RB1: variants seen among roughly 807,000 people sequenced by gnomAD.
RB1 encodes RB transcriptional corepressor 1.
In RB1, 18 loss-of-function variants were observed where a neutral mutation model predicts 135.4. The observed-to-expected ratio is 0.13, with a 90% CI of 0.09 to 0.20. The LOEUF is 0.20. Ranked by LOEUF, RB1 falls within the 10% of genes least tolerant of loss-of-function variation. The probability of loss-of-function intolerance (pLI) is 1.00; values close to 1 mark genes in which losing one functional copy is unlikely to be tolerated. For synonymous variants in RB1, 365 were observed against 373.2 expected, an observed-to-expected ratio of 0.98 and a Z score of 0.25; for missense variants, 868 against 1,110.0, an observed-to-expected ratio of 0.78 and a Z score of 3.10.
At position 48,340,589 on chromosome 13, in the gene RB1, G is replaced by GA. The variant is rs143659593; in HGVS notation, c.265-2001dup. 4.4e-3 allele frequency among the ~76,000 whole-genome samples: 662 copies of GA among 149,172 alleles called. 12 individuals carry two copies. Among genetic ancestry groups the GA allele is most frequent in the Middle Eastern group, 0.036 (10 of 280 alleles). ...TTTTAATCTTTAAAAGAGAGAGAGA[G>GA]AAAAAAAAAGGCTGGAATTGATGAA... is the stretch of plus-strand genomic sequence containing the variant. On this transcript the variant is annotated intron_variant, in intron 2 of 26. Transcript: ENST00000267163.
intron 17 of RB1, among the ~76,000 whole-genome samples, chr13:48,390,065 T>C (rs1202629171): frequency 6.6e-6 from 1 of 152,102 alleles, no homozygotes; most frequent in Non-Finnish European, 1.5e-5. Flanking sequence ...GAGAATTGCC[T>C]GAGCCTGGGA....
In RB1 at chr13:48,347,863, C is replaced by T. The variant is rs367654488; in HGVS notation, c.539C>T (p.Ser180Leu). The T allele has an allele frequency of 6.3e-5, 99 of 1,582,140 alleles. No individual in the cohort carries two copies. Among genetic ancestry groups the T allele is most frequent in the Non-Finnish European group, 8.4e-5 (97 of 1,152,952 alleles). ...ATATATTTGACACAACCCAGCAGTT[C>T]GTAAGTAGTTCACAGAATGTTATTT... ...ELIYLTQPSSSISTEINSALV... is the reference protein window; with the variant it reads ...ELIYLTQPSSLISTEINSALV... The change falls in exon 5 of 27, where the codon TCG (serine) becomes TTG (leucine). Residue 180 changes from serine to leucine, a missense_variant and splice_region_variant. Physicochemically the swap from Ser to Leu is moderately radical, Grantham distance 145. Transcript: ENST00000267163.
Position 48,303,957 on chromosome 13 carries a change from TGCCGCCGCGGAACCCCCGGCACCGCCGCC to T in RB1, c.52_80del (p.Ala18ProfsTer3). 1 of 1,503,296 alleles carries T rather than the reference TGCCGCCGCGGAACCCCCGGCACCGCCGCC, an allele frequency of 6.7e-7. No homozygotes were observed. Among genetic ancestry groups the T allele is most frequent in the East Asian group, 2.7e-5 (1 of 37,592 alleles). 93.1% of individuals were successfully genotyped at this position (1,503,296 alleles called of 1,614,324 possible). On this transcript the variant is annotated frameshift_variant, in exon 1 of 27. Transcript: ENST00000267163. LOFTEE classifies it high-confidence loss of function. ...GAAAAACGGCCGCCACCGCCGCCGC[TGCCGCCGCGGAACCCCCGGCACCGCCGCC>T]GCCGCCCCCTCCTGAGGAGGACCCA...
chr13:48,457,110 C>G (rs1049687778), intron 19 of RB1, among the ~76,000 whole-genome samples: 1 of 152,198 alleles, frequency 6.6e-6, no homozygotes, highest in Non-Finnish European at 1.5e-5. Flanking sequence ...GGTACACAGA[C>G]AAGTGGAGGG....
chr13:48,387,487 G>A (rs886287455), intron 17 of RB1, among the ~76,000 whole-genome samples: 4 of 152,092 alleles, frequency 2.6e-5, no homozygotes, highest in Non-Finnish European at 4.4e-5. Flanking sequence ...ATGTCCACAA[G>A]AGGCAATTCA....
intron 1 of RB1, 116 bp downstream of exon 1, chr13:48,304,165 G>A: frequency 8.6e-7 from 1 of 1,166,214 alleles, no homozygotes; most frequent in Non-Finnish European, 1.1e-6. Flanking sequence ...GGTCCCGGCG[G>A]GAGGAGGCGC....
At chr13:48,413,484 A>G (rs1397570870) in intron 17 of RB1, among the ~76,000 whole-genome samples, 1 of 152,204 alleles carries the variant, frequency 6.6e-6, no homozygotes, top group Non-Finnish European at 1.5e-5. Context: ...GTATTTATAA[A>G]TTGAAATTGT....
chr13:48,307,880 A>G (rs983435006), intron 2 of RB1, among the ~76,000 whole-genome samples: 1 of 151,080 alleles, frequency 6.6e-6, no homozygotes, highest in African/African-American at 2.4e-5. Context: ...AAAAAGTTTG[A>G]AAAAAATTCC....
At position 48,411,431 on chromosome 13, in the gene RB1, C is replaced by CTG. The variant is rs759416336; in HGVS notation, c.1695+29990_1695+29991dup. 2.8e-5 allele frequency: 45 copies of CTG among 1,612,978 alleles called. No individual in the cohort carries two copies. The Admixed American group carries it at 5.7e-4, about 20-fold the overall frequency. On this transcript the variant is annotated intron_variant, in intron 17 of 26. Coordinates refer to ENST00000267163, the MANE Select transcript of RB1 (RefSeq NM_000321.3). Reference sequence around the variant, plus strand: ...TGTCAAATATCTTACTTTTTAAGGTCTGTAGGTTATGCTGAATAAAATTCT... The same window carrying CTG: ...TGTCAAATATCTTACTTTTTAAGGTCTGTGTAGGTTATGCTGAATAAAATTCT...
chr13:48,457,637 G>A (rs1235920513), intron 19 of RB1, among the ~76,000 whole-genome samples: 1 of 152,186 alleles, frequency 6.6e-6, no homozygotes, highest in African/African-American at 2.4e-5. Flanking sequence ...ATGCGTCAAG[G>A]GGCACCTGTA....
chr13:48,367,675 T>G (rs1284728000), intron 10 of RB1, 72 bp downstream of exon 10: 3 of 1,523,882 alleles, frequency 2.0e-6, no homozygotes, highest in Non-Finnish European at 2.7e-6. Flanking sequence ...GATTATATAG[T>G]CTTTAGCTTA....
intron 5 of RB1, 60 bp downstream of exon 5, chr13:48,347,923 T>A (rs1952512809): frequency 7.8e-7 from 1 of 1,284,946 alleles, no homozygotes; most frequent in African/African-American, 1.5e-5. Context: ...TGGAATAATC[T>A]CAAACATCTT....
intron 2 of RB1, chr13:48,328,654 T>G: frequency 1.9e-6 from 1 of 532,238 alleles, no homozygotes; most frequent in Non-Finnish European, 3.4e-6. Flanking sequence ...AGCTACAAGG[T>G]ATTTCTTTTA....
At chr13:48,337,078 T>G (rs1003068020) in intron 2 of RB1, among the ~76,000 whole-genome samples, 57 of 152,204 alleles carry the variant, frequency 3.7e-4, no homozygotes, top group Non-Finnish European at 6.2e-4. Flanking sequence ...CTTTTACATT[T>G]GCTGAGGAGA....
intron 2 of RB1, among the ~76,000 whole-genome samples, chr13:48,339,838 G>A (rs1593432664): frequency 6.6e-6 from 1 of 152,238 alleles, no homozygotes; most frequent in East Asian, 1.9e-4. Flanking sequence ...TCTGTATGAT[G>A]AGAAGTGAAT....
chr13:48,305,301 T>C (rs1443031408), intron 1 of RB1, among the ~76,000 whole-genome samples: 2 of 152,190 alleles, frequency 1.3e-5, no homozygotes, highest in Non-Finnish European at 2.9e-5. Context: ...TATTAAAAAT[T>C]TATATATTTA....
At chr13:48,311,008 G>T (rs1332586031) in intron 2 of RB1, among the ~76,000 whole-genome samples, 1 of 152,140 alleles carries the variant, frequency 6.6e-6, no homozygotes, top group Non-Finnish European at 1.5e-5. Flanking sequence ...TCAGCTGTTA[G>T]AATTTTGGTT....
chr13:48,410,358 A>T (rs1302761829), intron 17 of RB1, among the ~76,000 whole-genome samples: 4 of 152,228 alleles, frequency 2.6e-5, no homozygotes, highest in African/African-American at 9.6e-5. Context: ...TTTGTAGCCT[A>T]GAAGCAGTAG....
intron 2 of RB1, among the ~76,000 whole-genome samples, chr13:48,334,080 G>A (rs896128736): frequency 6.6e-6 from 1 of 152,188 alleles, no homozygotes; most frequent in Non-Finnish European, 1.5e-5. Flanking sequence ...CTTTTGGGCA[G>A]ATGGCCAGGT....
Sources: gnomAD v4.1 joint callset for allele counts (sites outside exome capture counted in the v4.1 genomes callset) on GRCh38, gnomAD v4.1.1 for gene constraint, MANE v1.5 for transcripts, NCBI Gene and HGNC (gene_info 2026-07-23, HGNC 2026-07-21) for gene names.